The following DNAH9 variants were observed in gnomAD, a reference collection of about 807,000 sequenced individuals.
DNAH9 encodes dynein axonemal heavy chain 9.
DNAH9 carries 345 observed loss-of-function variants against 471.6 expected under a neutral mutation model. The ratio of observed to expected loss-of-function variants is 0.73; its 90% CI spans 0.67 to 0.80. DNAH9 has a LOEUF of 0.80. DNAH9 is among the 30% of genes least tolerant of loss of function. The pLI is 0.00. For synonymous variants in DNAH9, 2,093 were observed against 2,123.6 expected (o/e 0.99, Z 0.40); for missense variants, 5,407 against 5,609.2 (o/e 0.96, Z 1.15).
At chr17:11,855,094 G>A (rs1971577976) in intron 50 of DNAH9, among the ~76,000 whole-genome samples, 1 of 151,832 alleles carries the variant, frequency 6.6e-6, no homozygotes, top group Admixed American at 6.6e-5. Context: ...TAGAGGCAGG[G>A]TCTCCCTATG....
In DNAH9 at chr17:11,866,002, C is replaced by G. The variant is rs1167050586; in HGVS notation, c.9934-3132C>G. Among the ~76,000 whole-genome samples, 2 of 152,304 alleles carry G rather than the reference C, an allele frequency of 1.3e-5. 1 individual carries two copies. The highest frequency in any genetic ancestry group is 4.1e-4 in the South Asian group (2 of 4,828). On this transcript the variant is annotated intron_variant, in intron 50 of 68. Coordinates refer to ENST00000262442, the MANE Select transcript of DNAH9 (RefSeq NM_001372.4). ...AGCTCGTAGTTTGATCGTCTGAAGC[C>G]TTCTTCTCTCAACTCGTCAAAGTCA...
At chr17:11,642,620 C>T (rs1306154766) in intron 10 of DNAH9, among the ~76,000 whole-genome samples, 1 of 152,242 alleles carries the variant, frequency 6.6e-6, no homozygotes, top group African/African-American at 2.4e-5. Context: ...AGATTCCTCA[C>T]CATGAAGTGA....
chr17:11,652,661 A>G, intron 13 of DNAH9, 100 bp from the exon 14 acceptor site: 1 of 1,126,702 alleles, frequency 8.9e-7, no homozygotes, highest in Admixed American at 2.1e-5. Context: ...AAAGTCTTAT[A>G]ACACTCGCAA....
At chr17:11,617,093 A>C (rs1331882862) in intron 4 of DNAH9, among the ~76,000 whole-genome samples, 1 of 152,194 alleles carries the variant, frequency 6.6e-6, no homozygotes, top group Non-Finnish European at 1.5e-5. Context: ...TTCTGATTCT[A>C]AAACTTGTAT....
intron 45 of DNAH9, among the ~76,000 whole-genome samples, chr17:11,813,318 C>T (rs935162373): frequency 6.6e-5 from 10 of 152,164 alleles, no homozygotes; most frequent in African/African-American, 2.4e-4. Flanking sequence ...TTCTAACCCA[C>T]CCCCTTTTTT....
chr17:11,651,000 CT>C (rs1289978547), intron 12 of DNAH9, 68 bp from the exon 13 acceptor site: 1 of 1,529,730 alleles, frequency 6.5e-7, no homozygotes, highest in Non-Finnish European at 8.9e-7. Context: ...ATTGTCCAGT[CT>C]TTGACCAATG....
rs897805662 is a variant in DNAH9 at position 11,957,758 on chromosome 17, A to C, written c.12844-4109A>C. Among the ~76,000 whole-genome samples, 3 of 152,188 alleles carry C rather than the reference A, an allele frequency of 2.0e-5. No individual in the cohort carries two copies. In the East Asian group the frequency reaches 5.8e-4, roughly 29 times the overall value. On this transcript the variant is annotated intron_variant, in intron 67 of 68. Transcript: ENST00000262442. ...CACAGAAAAAACAGGAATCCTTATC[A>C]TGATTGAAATGTTTTGTGTCTTGAC... is the stretch of plus-strand genomic sequence containing the variant.
At chr17:11,903,869 C>T (rs1973495631) in intron 60 of DNAH9, among the ~76,000 whole-genome samples, 1 of 150,976 alleles carries the variant, frequency 6.6e-6, no homozygotes, top group South Asian at 2.1e-4. Context: ...CAAGATTGCA[C>T]CACCGCACTC....
At chr17:11,838,718 G>T (rs1177610775) in intron 49 of DNAH9, among the ~76,000 whole-genome samples, 1 of 152,198 alleles carries the variant, frequency 6.6e-6, no homozygotes, top group Non-Finnish European at 1.5e-5. Flanking sequence ...GCTGTAGACC[G>T]GTTCACAATC....
intron 7 of DNAH9, among the ~76,000 whole-genome samples, chr17:11,630,984 A>G (rs1388486563): frequency 1.3e-5 from 2 of 152,206 alleles, no homozygotes; most frequent in Admixed American, 1.3e-4. Flanking sequence ...AAAAACTGCT[A>G]AGGGAAGAAC....
At chr17:11,702,162 C>A (rs1287940572) in intron 24 of DNAH9, among the ~76,000 whole-genome samples, 2 of 152,186 alleles carry the variant, frequency 1.3e-5, no homozygotes, top group African/African-American at 2.4e-5. Context: ...GCTCAGAAGA[C>A]AGGGTGAGCA....
intron 45 of DNAH9, among the ~76,000 whole-genome samples, chr17:11,817,634 A>C (rs1456387984): frequency 6.6e-6 from 1 of 152,220 alleles, no homozygotes; most frequent in Non-Finnish European, 1.5e-5. Context: ...CATAATTTCC[A>C]CATTCCATTA....
chr17:11,792,259 A>G (rs1969091548), intron 41 of DNAH9, among the ~76,000 whole-genome samples: 1 of 152,218 alleles, frequency 6.6e-6, no homozygotes, highest in Non-Finnish European at 1.5e-5. Flanking sequence ...GGGCAACAAG[A>G]GCGAAACTCC....
intron 67 of DNAH9, among the ~76,000 whole-genome samples, chr17:11,946,230 A>C (rs956031445): frequency 2.7e-5 from 4 of 149,864 alleles, no homozygotes; most frequent in Non-Finnish European, 4.4e-5. Flanking sequence ...AAAGAGCCAG[A>C]TTAGATCCCC....
chr17:11,771,075 A>G (rs940964304), intron 38 of DNAH9, among the ~76,000 whole-genome samples: 1 of 152,188 alleles, frequency 6.6e-6, no homozygotes, highest in African/African-American at 2.4e-5. Flanking sequence ...TTGAATATTT[A>G]TTACCATGAT....
chr17:11,775,103 T>G (rs1261485870), intron 38 of DNAH9, among the ~76,000 whole-genome samples: 2 of 152,120 alleles, frequency 1.3e-5, no homozygotes, highest in Non-Finnish European at 2.9e-5. Flanking sequence ...TTCTAGAAAT[T>G]TATGTAATGG....
chr17:11,863,520 A>G (rs1052570985), intron 50 of DNAH9, among the ~76,000 whole-genome samples: 7 of 152,254 alleles, frequency 4.6e-5, no homozygotes, highest in African/African-American at 1.7e-4. Context: ...TGGTATCAGG[A>G]TGATGCTGGC....
intron 27 of DNAH9, among the ~76,000 whole-genome samples, chr17:11,725,925 A>T (rs762633853): frequency 6.6e-6 from 1 of 152,212 alleles, no homozygotes; most frequent in Non-Finnish European, 1.5e-5. Context: ...CCTATGTGGC[A>T]GTTAGACCAA....
chr17:11,854,040 C>T lies in DNAH9; in HGVS notation c.9545C>T (p.Pro3182Leu). 1 of 1,614,170 alleles carries T rather than the reference C, an allele frequency of 6.2e-7. No individual in the cohort carries two copies. The stretch of plus-strand genomic sequence containing the variant: ...GAGCTGAAGTCATTTGGCTCTCCGC[C>T]TCTGGCCGTCAGCAATGTCAGCGCT... Reference protein sequence around the residue: ...LTELKSFGSPPLAVSNVSAAV... With the variant: ...LTELKSFGSPLLAVSNVSAAV... Residue 3182 changes from proline (P) to leucine (L), a missense_variant, in exon 50 of 69, where the codon CCT becomes CTT. By Grantham distance (98) the Pro-to-Leu change is moderately conservative. Transcript: ENST00000262442.
Sources: allele counts gnomAD v4.1 joint callset (sites outside exome capture counted in the v4.1 genomes callset), GRCh38; gene constraint gnomAD v4.1.1; transcripts MANE v1.5; gene names NCBI Gene and HGNC (gene_info 2026-07-23, HGNC 2026-07-21).